CPVL: variants seen among roughly 807,000 people sequenced by gnomAD.
CPVL encodes the protein probable serine carboxypeptidase CPVL.
A neutral mutation model predicts 63.7 loss-of-function variants in CPVL; 51 were observed. The observed-to-expected ratio is 0.80, with a 90% CI of 0.64 to 1.01. The LOEUF (loss-of-function observed/expected upper bound fraction) is 1.01, where lower values mean the gene tolerates loss of function less well. CPVL is among the 50% of genes least tolerant of loss of function. The pLI, the probability that CPVL is intolerant of heterozygous loss-of-function variation, is 0.00. For missense variants in CPVL, 530 were observed against 573.1 expected (o/e 0.92, Z 0.77); for synonymous variants, 195 against 206.0 (o/e 0.95, Z 0.46).
intron 7 of CPVL, among the ~76,000 whole-genome samples, chr7:29,075,415 C>T (rs1784140922): frequency 6.6e-6 from 1 of 151,430 alleles, no homozygotes; most frequent in Non-Finnish European, 1.5e-5. Context: ...CATTCACATG[C>T]CTGGCTGGAA....
At chr7:29,094,832 C>T (rs138035985) in intron 5 of CPVL, among the ~76,000 whole-genome samples, 26 of 149,694 alleles carry the variant, frequency 1.7e-4, no homozygotes, top group Admixed American at 1.4e-3. Context: ...GGCGACAGAG[C>T]GAGACTCCAT....
In CPVL at chr7:29,040,185, T is replaced by C. The variant is rs563003733; in HGVS notation, c.1138-9426A>G. On this transcript the variant is annotated intron_variant, in intron 11 of 12. Coordinates refer to ENST00000265394, the MANE Select transcript of CPVL (RefSeq NM_031311.5). ...CTTCTGGCTGCTTTACTTATCATTC[T>C]TCTATTACAAACTCTAATGTGGCCA... is the stretch of plus-strand genomic sequence containing the variant. 2.0e-5 allele frequency among the ~76,000 whole-genome samples: 3 copies of C among 152,344 alleles called. No homozygotes were observed. The South Asian group carries it at 6.2e-4, about 32-fold the overall frequency.
intron 12 of CPVL, among the ~76,000 whole-genome samples, chr7:29,027,770 CA>C (rs1205912659): frequency 1.3e-5 from 2 of 152,030 alleles, no homozygotes; most frequent in African/African-American, 4.8e-5. Flanking sequence ...TAGATTTAAT[CA>C]AGGAGGTGAA....
At chr7:29,032,706 T>C (rs910122547) in intron 11 of CPVL, among the ~76,000 whole-genome samples, 3 of 152,214 alleles carry the variant, frequency 2.0e-5, no homozygotes, top group African/African-American at 7.2e-5. Flanking sequence ...AGCAAATTCA[T>C]AGTGCATCCA....
intron 5 of CPVL, among the ~76,000 whole-genome samples, chr7:29,157,255 C>T (rs1390346658): frequency 6.6e-6 from 1 of 152,122 alleles, no homozygotes; most frequent in Admixed American, 6.5e-5. Flanking sequence ...GATGCGACCC[C>T]TCCCCCACCC....
At chr7:29,065,288 G>C (rs751305907) in intron 10 of CPVL, among the ~76,000 whole-genome samples, 1 of 152,130 alleles carries the variant, frequency 6.6e-6, no homozygotes, top group Non-Finnish European at 1.5e-5. Context: ...TTTTCTCTTA[G>C]TAGAATCTAA....
At chr7:29,036,805 C>T (rs1430757998) in intron 11 of CPVL, among the ~76,000 whole-genome samples, 1 of 152,032 alleles carries the variant, frequency 6.6e-6, no homozygotes, top group Non-Finnish European at 1.5e-5. Context: ...TGTTGTTTTT[C>T]TTATTATGTT....
At chr7:29,135,378 C>G (rs1323717485) in intron 1 of CPVL, among the ~76,000 whole-genome samples, 1 of 151,576 alleles carries the variant, frequency 6.6e-6, no homozygotes, top group Non-Finnish European at 1.5e-5. Flanking sequence ...GTCGCCCAGG[C>G]TGGAGTGCAG....
rs555443117 is a variant in CPVL at position 29,004,896 on chromosome 7, C to CTTTT, written c.1321-9018_1321-9015dup. Among the ~76,000 whole-genome samples the CTTTT allele has an allele frequency of 6.9e-5, 10 of 144,878 alleles. 1 individual carries two copies. Among genetic ancestry groups the CTTTT allele is most frequent in the African/African-American group, 1.0e-4 (4 of 39,204 alleles). ...TACAAATATGTCTTTTTTTTCTTTT[C>CTTTT]TTTTCTTTTTTTTTTTTTGAGACAG... On this transcript the variant is annotated intron_variant, in intron 12 of 12. Transcript: ENST00000265394.
intron 9 of CPVL, among the ~76,000 whole-genome samples, chr7:29,067,374 C>G (rs1402800665): frequency 1.3e-5 from 2 of 152,116 alleles, no homozygotes; most frequent in African/African-American, 4.8e-5. Flanking sequence ...TAGGCAGACA[C>G]AGTTGGAAGT....
intron 7 of CPVL, among the ~76,000 whole-genome samples, chr7:29,085,607 A>G (rs1213911600): frequency 1.3e-5 from 2 of 152,226 alleles, no homozygotes; most frequent in African/African-American, 4.8e-5. Flanking sequence ...TTTTTGAGGA[A>G]ACAGTGTTTG....
intron 5 of CPVL, among the ~76,000 whole-genome samples, chr7:29,162,202 A>C: frequency 6.6e-6 from 1 of 152,224 alleles, no homozygotes. Flanking sequence ...TCTTATATTC[A>C]CACAAAAACT....
intron 1 of CPVL, among the ~76,000 whole-genome samples, chr7:29,190,087 C>T (rs1025668164): frequency 3.3e-5 from 5 of 152,358 alleles, no homozygotes; most frequent in South Asian, 2.1e-4. Context: ...TTTCTCAGCT[C>T]CTGCCCCTAG....
intron 11 of CPVL, among the ~76,000 whole-genome samples, chr7:29,049,352 A>G (rs1339903840): frequency 6.6e-6 from 1 of 152,168 alleles, no homozygotes; most frequent in Non-Finnish European, 1.5e-5. Context: ...AACACCACTG[A>G]AATATAAAAG....
At chr7:29,000,071 C>G (rs1784466003) in intron 12 of CPVL, among the ~76,000 whole-genome samples, 1 of 152,172 alleles carries the variant, frequency 6.6e-6, no homozygotes, top group African/African-American at 2.4e-5. Flanking sequence ...CACACTAGAG[C>G]TGCAGCCTCT....
intron 11 of CPVL, among the ~76,000 whole-genome samples, chr7:29,046,583 AC>A (rs1789639162): frequency 6.6e-6 from 1 of 151,970 alleles, no homozygotes; most frequent in South Asian, 2.1e-4. Flanking sequence ...ACACACACAC[AC>A]ACACACACAT....
At chr7:29,121,135 A>T (rs1789330050) in intron 1 of CPVL, 64 bp from the exon 2 acceptor site, 9 of 1,403,282 alleles carry the variant, frequency 6.4e-6, no homozygotes, top group Non-Finnish European at 8.6e-6. Context: ...GCCCTTTTAC[A>T]TGCAAGAAAT....
chr7:29,171,014 G>A (rs916580009), intron 5 of CPVL, among the ~76,000 whole-genome samples: 11 of 152,162 alleles, frequency 7.2e-5, no homozygotes, highest in Non-Finnish European at 8.8e-5. Context: ...GATGAGATTA[G>A]TGTGGGGACA....
intron 12 of CPVL, among the ~76,000 whole-genome samples, chr7:28,998,456 A>T (rs1443897419): frequency 6.6e-6 from 1 of 152,268 alleles, no homozygotes; most frequent in Non-Finnish European, 1.5e-5. Flanking sequence ...ACGTTGTGTG[A>T]CCTTGGGCAA....
Sources: allele counts gnomAD v4.1 joint callset (sites outside exome capture counted in the v4.1 genomes callset), GRCh38; gene constraint gnomAD v4.1.1; transcripts MANE v1.5; gene names NCBI Gene and HGNC (gene_info 2026-07-23, HGNC 2026-07-21).